The following KIF13A variants were observed in gnomAD, a reference collection of about 807,000 sequenced individuals.
KIF13A encodes kinesin-like protein KIF13A.
KIF13A carries 79 observed loss-of-function variants against 212.2 expected under a neutral mutation model. That is an observed-to-expected ratio of 0.37 (90% CI 0.31 to 0.45). The LOEUF (loss-of-function observed/expected upper bound fraction) is 0.45, where lower values mean the gene tolerates loss of function less well. KIF13A is among the 20% of genes least tolerant of loss of function. The pLI is 1.00. For synonymous variants in KIF13A, 789 were observed against 808.6 expected, an observed-to-expected ratio of 0.98 and a Z score of 0.41; for missense variants, 1,901 against 2,209.0, an observed-to-expected ratio of 0.86 and a Z score of 2.79.
intron 3 of KIF13A, among the ~76,000 whole-genome samples, chr6:17,878,286 T>C (rs1045905374): frequency 5.3e-5 from 8 of 152,126 alleles, no homozygotes; most frequent in Non-Finnish European, 8.8e-5. Flanking sequence ...GGGCAGAGAG[T>C]GCCTGTGTGT....
chr6:17,796,815 A>G lies in KIF13A; in HGVS notation c.2796T>C (p.Tyr932=). ...GAAATTCTTCTGTTACATTCACCAC[A>G]TAGTCCTGGGATAAGTGGGGGAAAG... The part of the protein sequence containing the change: ...YTVTFSHCKD[Y]VVNVTEEFLE... Residue 932 remains tyrosine (Y), a synonymous_variant, in exon 23 of 39, where the codon TAT becomes TAC. Coordinates refer to ENST00000259711, the MANE Select transcript of KIF13A (RefSeq NM_022113.6). The G allele has an allele frequency of 6.5e-7, 1 of 1,545,180 alleles. No homozygotes were observed. Among genetic ancestry groups the G allele is most frequent in the Non-Finnish European group, 8.8e-7 (1 of 1,142,818 alleles).
chr6:17,831,228 TG>T lies in KIF13A; in HGVS notation c.1273del (p.Gln425AsnfsTer25). The T allele has an allele frequency of 6.2e-7, 1 of 1,610,888 alleles. No individual in the cohort carries two copies. ...AATCCCCATGCTTTCAAGTTGTCGT[TG>T]TCTTTCCTGTGCACAAAAACAGACA... is the stretch of plus-strand genomic sequence containing the variant. ...RKTEEIAQER[Q>X]RQLESMGISL... On this transcript the variant is annotated frameshift_variant, in exon 13 of 39. Transcript: ENST00000259711. LOFTEE classifies it high-confidence loss of function.
Position 17,964,764 on chromosome 6 carries a change from G to T in KIF13A, c.146+22290C>A, listed in dbSNP as rs187010061. Reference sequence around the variant, plus strand: ...GTCAGTAGAGCTTCACAGTTGTTTTGATTTTATCCCAGATAACCCAGGTCA... The same window carrying T: ...GTCAGTAGAGCTTCACAGTTGTTTTTATTTTATCCCAGATAACCCAGGTCA... On this transcript the variant is annotated intron_variant, in intron 2 of 38. Transcript: ENST00000259711. 3.3e-4 allele frequency among the ~76,000 whole-genome samples: 50 copies of T among 152,146 alleles called. 1 individual carries two copies. The East Asian group carries it at 7.7e-3, about 24-fold the overall frequency.
At chr6:17,821,876 A>G in intron 16 of KIF13A, 1 of 1,535,376 alleles carries the variant, frequency 6.5e-7, no homozygotes, top group Non-Finnish European at 8.7e-7. Context: ...GATGACCACC[A>G]GGCAGACAGG....
chr6:17,825,737 A>T lies in KIF13A; in HGVS notation c.1786+31T>A. ...AATGGTGTGAGGTGAGGAAATGCCC[A>T]AGGCGCTGGAACACAGAGTGAGGGT... is the stretch of plus-strand genomic sequence containing the variant. On this transcript the variant is annotated intron_variant, in intron 16 of 38. Coordinates refer to ENST00000259711, the MANE Select transcript of KIF13A (RefSeq NM_022113.6). This position sits in a 1 kb window ranked among gnomAD's most constrained non-coding sequence, Gnocchi z 4.5. The T allele has an allele frequency of 1.3e-6, 2 of 1,595,298 alleles. No individual in the cohort carries two copies. The highest frequency in any genetic ancestry group is 1.7e-6 in the Non-Finnish European group (2 of 1,170,380).
chr6:17,861,928 T>C (rs1052162723), intron 4 of KIF13A, among the ~76,000 whole-genome samples: 3 of 152,236 alleles, frequency 2.0e-5, no homozygotes, highest in African/African-American at 4.8e-5. Flanking sequence ...TTTCTGCCTA[T>C]GATATGTGCT....
In KIF13A at chr6:17,764,305, C is replaced by A; in HGVS notation, c.5223G>T (p.Val1741=). 7 of 1,614,026 alleles carry A rather than the reference C, an allele frequency of 4.3e-6. No homozygotes were observed. The highest frequency in any genetic ancestry group is 5.9e-6 in the Non-Finnish European group (7 of 1,179,900). ...AACCATCAAAATCTTTTCCCTCTGA[C>A]ACTCCCATAAATTCTGTGAAAGAAT... The part of the protein sequence containing the change: ...EDHSFTEFMG[V]SEGKDFDGLT... The change falls in exon 39 of 39, where the codon GTG becomes GTT. Residue 1741 remains valine (V), a synonymous_variant. Transcript: ENST00000259711. This position sits in a 1 kb window ranked among gnomAD's most constrained non-coding sequence, Gnocchi z 5.1.
chr6:17,779,247 ATATATATATATTTTTTTTTTTTTTTTTT>A (rs1309037702), intron 32 of KIF13A, 148 bp from the exon 33 acceptor site: 5,994 of 40,808 alleles, frequency 0.15, 263 homozygotes, highest in South Asian at 0.41. Flanking sequence ...ATATATATAT[ATATATATATATTTTTTTTTTTTTTTTTT>A]TTTTTTTTTT....
Position 17,787,910 on chromosome 6 carries a change from C to T in KIF13A, c.3262-35G>A, listed in dbSNP as rs1374915083. 9.0e-7 allele frequency: 1 copy of T among 1,108,222 alleles called. No individual in the cohort carries two copies. The highest frequency in any genetic ancestry group is 1.4e-6 in the Non-Finnish European group (1 of 734,088). 68.6% of individuals were successfully genotyped at this position (1,108,222 alleles called of 1,614,324 possible). A position where few individuals can be genotyped will look rare whatever the true frequency, so the allele number is the denominator to read the frequency against. ...GGGAGGGAAAATATTTTCCTGTAGA[C>T]TGCACAGACAACGATTTCTTTCTTT... On this transcript the variant is annotated intron_variant, in intron 26 of 38. Transcript: ENST00000259711. This position sits in a 1 kb window ranked among gnomAD's most constrained non-coding sequence, Gnocchi z 4.6.
chr6:17,875,895 TG>T (rs1189170003), intron 3 of KIF13A, among the ~76,000 whole-genome samples: 1 of 152,236 alleles, frequency 6.6e-6, no homozygotes, highest in East Asian at 1.9e-4. Flanking sequence ...CAAATCATGT[TG>T]GAAGTGGTGC....
chr6:17,905,442 G>C (rs1237536679), intron 2 of KIF13A, among the ~76,000 whole-genome samples: 1 of 152,220 alleles, frequency 6.6e-6, no homozygotes, highest in Non-Finnish European at 1.5e-5. Flanking sequence ...TGTGACAACA[G>C]AGACAGGAAT....
chr6:17,918,754 C>T lies in KIF13A; in HGVS notation c.147-20574G>A, dbSNP rs1303565308. Among the ~76,000 whole-genome samples the T allele has an allele frequency of 6.6e-6, 1 of 152,178 alleles. No individual in the cohort carries two copies. Among genetic ancestry groups the T allele is most frequent in the African/African-American group, 2.4e-5 (1 of 41,436 alleles). On this transcript the variant is annotated intron_variant, in intron 2 of 38. Coordinates refer to ENST00000259711, the MANE Select transcript of KIF13A (RefSeq NM_022113.6). This position sits in a 1 kb window ranked among gnomAD's most constrained non-coding sequence, Gnocchi z 4.8. ...GCTCCTCAGAGGAGTGTTCCCCGTA[C>T]TCCCTACATTAATGTTGAGGCTGCC...
chr6:17,961,445 T>G lies in KIF13A; in HGVS notation c.146+25609A>C, dbSNP rs1158142634. Among the ~76,000 whole-genome samples the G allele has an allele frequency of 1.3e-5, 2 of 152,228 alleles. No homozygotes were observed. Among genetic ancestry groups the G allele is most frequent in the Non-Finnish European group, 2.9e-5 (2 of 68,032 alleles). ...CAAGCACCAAGCATATTGTAAGCCC[T>G]TTATATTCTCCCCGAATTAGGTTGG... is the stretch of plus-strand genomic sequence containing the variant. On this transcript the variant is annotated intron_variant, in intron 2 of 38. Coordinates refer to ENST00000259711, the MANE Select transcript of KIF13A (RefSeq NM_022113.6). This position sits in a 1 kb window ranked among gnomAD's most constrained non-coding sequence, Gnocchi z 4.1.
At chr6:17,979,379 T>C (rs1780860395) in intron 2 of KIF13A, among the ~76,000 whole-genome samples, 1 of 152,236 alleles carries the variant, frequency 6.6e-6, no homozygotes, top group South Asian at 2.1e-4. Flanking sequence ...CTACCTTCAA[T>C]TCTAGCATTC....
intron 38 of KIF13A, 112 bp from the exon 39 acceptor site, chr6:17,765,058 G>T: frequency 1.2e-6 from 1 of 829,444 alleles, no homozygotes; most frequent in Non-Finnish European, 1.8e-6. Flanking sequence ...GGTGTTCAGT[G>T]TTTTCTTTTT....
chr6:17,868,438 T>C (rs1415583745), intron 4 of KIF13A, among the ~76,000 whole-genome samples: 26 of 152,200 alleles, frequency 1.7e-4, no homozygotes, highest in Admixed American at 1.7e-3. Flanking sequence ...TACTAACTTA[T>C]AATCTTAAAT....
At chr6:17,950,522 C>T in intron 2 of KIF13A, 8 of 985,280 alleles carry the variant, frequency 8.1e-6, no homozygotes, top group Non-Finnish European at 9.6e-6. Flanking sequence ...AGAACATGTA[C>T]ACAAACACAC....
rs1438511931 is a variant in KIF13A at position 17,825,982 on chromosome 6, A to C, written c.1620-48T>G. 7 of 1,610,762 alleles carry C rather than the reference A, an allele frequency of 4.3e-6. No homozygotes were observed. In the East Asian group the frequency reaches 1.6e-4, roughly 36 times the overall value. On this transcript the variant is annotated intron_variant, in intron 15 of 38. Coordinates refer to ENST00000259711, the MANE Select transcript of KIF13A (RefSeq NM_022113.6). This position sits in a 1 kb window ranked among gnomAD's most constrained non-coding sequence, Gnocchi z 4.5. Reference sequence around the variant, plus strand: ...AGAAAATCAACTTGTTTTACACTTAAATAGATAACAGAAAAAATGTATACG... The same window carrying C: ...AGAAAATCAACTTGTTTTACACTTACATAGATAACAGAAAAAATGTATACG...
At chr6:17,778,691 G>A (rs1309163627) in intron 33 of KIF13A, among the ~76,000 whole-genome samples, 1 of 152,042 alleles carries the variant, frequency 6.6e-6, no homozygotes, top group Non-Finnish European at 1.5e-5. Context: ...TTACCTCAGG[G>A]GGTTATCTTG....
Sources: allele counts gnomAD v4.1 joint callset (sites outside exome capture counted in the v4.1 genomes callset), GRCh38; gene constraint gnomAD v4.1.1; non-coding constraint Gnocchi (gnomAD v3.1); transcripts MANE v1.5; gene names NCBI Gene and HGNC (gene_info 2026-07-23, HGNC 2026-07-21).